LPAR1: variants seen among roughly 807,000 people sequenced by gnomAD.
LPAR1 encodes LPA receptor 1.
A neutral mutation model predicts 23.8 loss-of-function variants in LPAR1; 5 were observed. That is an observed-to-expected ratio of 0.21 (90% confidence interval 0.11 to 0.44). The LOEUF is 0.44. LPAR1 is among the 20% of genes least tolerant of loss of function. The pLI is 0.99. For missense variants in LPAR1, 311 were observed against 482.8 expected, an observed-to-expected ratio of 0.64 and a Z score of 3.33; for synonymous variants, 160 against 164.7, an observed-to-expected ratio of 0.97 and a Z score of 0.22.
intron 2 of LPAR1, among the ~76,000 whole-genome samples, chr9:111,023,981 G>T (rs2097625370): frequency 6.6e-6 from 1 of 152,012 alleles, no homozygotes; most frequent in Admixed American, 6.6e-5. Flanking sequence ...TGCTCAAGAA[G>T]GTGCACACAA....
At chr9:110,902,019 A>G (rs1356043601) in intron 5 of LPAR1, among the ~76,000 whole-genome samples, 1 of 152,150 alleles carries the variant, frequency 6.6e-6, no homozygotes, top group Non-Finnish European at 1.5e-5. Flanking sequence ...AAAAAAACAC[A>G]AAAGGAAGCC....
chr9:111,027,914 A>T (rs1278120184), intron 2 of LPAR1, among the ~76,000 whole-genome samples: 1 of 146,828 alleles, frequency 6.8e-6, no homozygotes, highest in Non-Finnish European at 1.5e-5. Flanking sequence ...AAAAAAAAGA[A>T]GCAAGCGGAG....
intron 2 of LPAR1, among the ~76,000 whole-genome samples, chr9:111,012,010 G>C (rs2097339769): frequency 1.3e-5 from 2 of 152,178 alleles, no homozygotes; most frequent in South Asian, 4.1e-4. Context: ...AACACTTTGA[G>C]AGGCCAAGGC....
intron 2 of LPAR1, among the ~76,000 whole-genome samples, chr9:110,990,274 C>G (rs2096870493): frequency 6.6e-6 from 1 of 151,914 alleles, no homozygotes; most frequent in Non-Finnish European, 1.5e-5. Flanking sequence ...TGAAAAGACT[C>G]AACCCAACAC....
At position 110,941,639 on chromosome 9, in the gene LPAR1, A is replaced by G. The variant is rs748751002; in HGVS notation, c.575T>C (p.Ile192Thr). 6.8e-6 allele frequency: 11 copies of G among 1,614,106 alleles called. No individual in the cohort carries two copies. The Admixed American group carries it at 1.0e-4, about 15-fold the overall frequency. Reference protein sequence around the residue: ...PSVGWNCICDIENCSNMAPLY... With the variant: ...PSVGWNCICDTENCSNMAPLY... The stretch of plus-strand genomic sequence containing the variant: ...GGGTGCCATGTTGGAACAATTTTCA[A>G]TATCACAGATACAGTTCCAGCCCAC... The change falls in exon 5 of 6, where the codon ATT becomes ACT. Residue 192 changes from isoleucine to threonine, a missense_variant. Coordinates refer to ENST00000683809, the MANE Select transcript of LPAR1 (RefSeq NM_001351411.2). The surrounding 1 kb of genome is among the most constrained non-coding windows in gnomAD (Gnocchi z 6.1).
At chr9:110,991,768 T>C (rs886187561) in intron 2 of LPAR1, among the ~76,000 whole-genome samples, 1 of 152,072 alleles carries the variant, frequency 6.6e-6, no homozygotes, top group East Asian at 1.9e-4. Flanking sequence ...GCCATTTGTA[T>C]TTTTAGTAGA....
At chr9:110,990,970 T>C (rs1319636033) in intron 2 of LPAR1, among the ~76,000 whole-genome samples, 1 of 152,174 alleles carries the variant, frequency 6.6e-6, no homozygotes, top group Non-Finnish European at 1.5e-5. Flanking sequence ...CACTTTTAAA[T>C]ATGAAGTCAC....
At chr9:110,945,969 TC>T (rs2136340713) in intron 4 of LPAR1, among the ~76,000 whole-genome samples, 1 of 152,262 alleles carries the variant, frequency 6.6e-6, no homozygotes, top group Non-Finnish European at 1.5e-5. Flanking sequence ...ATCTGAAAAG[TC>T]CCTTTCTCTA....
chr9:110,959,825 T>A (rs1349687702), intron 4 of LPAR1, among the ~76,000 whole-genome samples: 1 of 152,008 alleles, frequency 6.6e-6, no homozygotes, highest in African/African-American at 2.4e-5. Context: ...TAAAAAAGAA[T>A]GAAATCATGT....
At chr9:110,966,383 G>A (rs546794038) in intron 4 of LPAR1, among the ~76,000 whole-genome samples, 1 of 151,932 alleles carries the variant, frequency 6.6e-6, no homozygotes, top group African/African-American at 2.4e-5. Flanking sequence ...GGAGGCTGAG[G>A]CAGGAGAATC....
At chr9:110,951,100 T>G (rs1316982762) in intron 4 of LPAR1, among the ~76,000 whole-genome samples, 2 of 152,150 alleles carry the variant, frequency 1.3e-5, no homozygotes, top group African/African-American at 4.8e-5. Flanking sequence ...TACCCATCAA[T>G]TGAGAAAATG....
intron 2 of LPAR1, among the ~76,000 whole-genome samples, chr9:111,033,995 A>T (rs1189210993): frequency 1.3e-5 from 2 of 152,242 alleles, no homozygotes; most frequent in East Asian, 3.8e-4. Context: ...ACTGGGGAGC[A>T]AGTGTGAACC....
intron 2 of LPAR1, among the ~76,000 whole-genome samples, chr9:110,997,557 C>T (rs952731119): frequency 1.3e-5 from 2 of 152,128 alleles, no homozygotes; most frequent in Non-Finnish European, 2.9e-5. Context: ...ATAAATGGTT[C>T]TTGGATGGTA....
intron 2 of LPAR1, among the ~76,000 whole-genome samples, chr9:111,024,836 T>C (rs2097656779): frequency 6.6e-6 from 1 of 152,098 alleles, no homozygotes; most frequent in African/African-American, 2.4e-5. Context: ...TTGCTGAGAA[T>C]GATGGTTTCC....
chr9:111,003,882 C>T (rs1354416566), intron 2 of LPAR1, among the ~76,000 whole-genome samples: 1 of 152,184 alleles, frequency 6.6e-6, no homozygotes, highest in African/African-American at 2.4e-5. Flanking sequence ...TAATTGGGCT[C>T]AGAATTCATA....
chr9:110,884,079 T>C (rs573640772), intron 5 of LPAR1, among the ~76,000 whole-genome samples: 2 of 152,342 alleles, frequency 1.3e-5, no homozygotes, highest in South Asian at 4.1e-4. Flanking sequence ...AAGTCTGATG[T>C]ATGATTCCCA....
chr9:110,998,743 C>A (rs1225981471), intron 2 of LPAR1, among the ~76,000 whole-genome samples: 1 of 152,190 alleles, frequency 6.6e-6, no homozygotes, highest in Non-Finnish European at 1.5e-5. Flanking sequence ...AAGTCAATAG[C>A]AAGTTCTTCT....
intron 4 of LPAR1, among the ~76,000 whole-genome samples, chr9:110,961,888 A>G (rs1225017843): frequency 1.3e-5 from 2 of 152,174 alleles, no homozygotes; most frequent in Admixed American, 6.5e-5. Flanking sequence ...CTCCCACAAC[A>G]TGAGGATTAT....
chr9:110,957,652 A>G (rs1383394274), intron 4 of LPAR1, among the ~76,000 whole-genome samples: 1 of 152,182 alleles, frequency 6.6e-6, no homozygotes, highest in Non-Finnish European at 1.5e-5. Context: ...GAAAAGCTGA[A>G]AGCCTTTCTT....
Sources: gnomAD v4.1 joint callset for allele counts (sites outside exome capture counted in the v4.1 genomes callset) on GRCh38, gnomAD v4.1.1 for gene constraint, Gnocchi (gnomAD v3.1) non-coding constraint, MANE v1.5 for transcripts, NCBI Gene and HGNC (gene_info 2026-07-23, HGNC 2026-07-21) for gene names.